NXPE4: variants seen among roughly 807,000 people sequenced by gnomAD.
NXPE4 encodes the protein NXPE family member 4.
NXPE4 carries 42 observed loss-of-function variants against 33.3 expected under a neutral mutation model. That is an observed-to-expected ratio of 1.26 (90% CI 0.98 to 1.63). The LOEUF is 1.63. Ranked by LOEUF, NXPE4 falls within the 40% of genes most tolerant of loss-of-function variation. The pLI, the probability that NXPE4 is intolerant of heterozygous loss-of-function variation, is 0.00. For synonymous variants in NXPE4, 253 were observed against 234.9 expected (o/e 1.08, Z -0.71); for missense variants, 709 against 647.6 (o/e 1.09, Z -1.03).
the NXPE4 span, among the ~76,000 whole-genome samples, chr11:114,612,167 A>G: frequency 2.0e-5 from 3 of 151,944 alleles, no homozygotes; most frequent in Non-Finnish European, 4.4e-5. Context: ...CCAGTGGATA[A>G]TAAGTGTTGC....
chr11:114,647,208 C>T, the NXPE4 span, among the ~76,000 whole-genome samples: 1 of 152,218 alleles, frequency 6.6e-6, no homozygotes, highest in East Asian at 1.9e-4. Context: ...TCACCTTCTA[C>T]ATTCGTAGAT....
At chr11:114,601,731 T>TA in the NXPE4 span, among the ~76,000 whole-genome samples, 3 of 72,004 alleles carry the variant, frequency 4.2e-5, no homozygotes, top group Non-Finnish European at 7.0e-5. Context: ...TAATTATATA[T>TA]TATATATAAT....
chr11:114,601,141 G>A, the NXPE4 span, among the ~76,000 whole-genome samples: 2 of 151,634 alleles, frequency 1.3e-5, no homozygotes, highest in African/African-American at 4.8e-5. Flanking sequence ...TTTTGGTTAT[G>A]TGGATGAATT....
At chr11:114,674,818 C>T in the NXPE4 span, among the ~76,000 whole-genome samples, 2 of 151,602 alleles carry the variant, frequency 1.3e-5, no homozygotes, top group South Asian at 4.2e-4. Flanking sequence ...CAGCATTGTC[C>T]CGATATCAAA....
At chr11:114,627,894 A>C in the NXPE4 span, among the ~76,000 whole-genome samples, 1 of 151,812 alleles carries the variant, frequency 6.6e-6, no homozygotes, top group Non-Finnish European at 1.5e-5. Context: ...AACAGACTTT[A>C]AACCAACAAA....
At chr11:114,673,410 C>G in the NXPE4 span, among the ~76,000 whole-genome samples, 1 of 151,078 alleles carries the variant, frequency 6.6e-6, no homozygotes, top group African/African-American at 2.4e-5. Flanking sequence ...AACTTTTCAC[C>G]TAAGGACACT....
At position 114,583,909 on chromosome 11, in the gene NXPE4, C is replaced by A. The variant is rs112475934; in HGVS notation, c.97-888G>T. ...TATGGGTTATTGGGGCTGGCAAAGG[C>A]AGATATTATGCTATTAACTATCTGC... On this transcript the variant is annotated intron_variant, in intron 2 of 5. Coordinates refer to ENST00000375478, the MANE Select transcript of NXPE4 (RefSeq NM_001077639.2). 296 of 394,060 alleles carry A rather than the reference C, an allele frequency of 7.5e-4. 1 individual carries two copies. Among genetic ancestry groups the A allele is most frequent in the African/African-American group, 5.6e-3 (270 of 48,236 alleles). 24.4% of individuals were successfully genotyped at this position (394,060 alleles called of 1,614,324 possible).
At chr11:114,580,873 A>G (rs1949129429) in intron 4 of NXPE4, among the ~76,000 whole-genome samples, 2 of 152,220 alleles carry the variant, frequency 1.3e-5, no homozygotes, top group African/African-American at 2.4e-5. Context: ...TGGGCCAAAG[A>G]TGAACCCCTC....
At chr11:114,609,334 T>C in the NXPE4 span, among the ~76,000 whole-genome samples, 1 of 151,634 alleles carries the variant, frequency 6.6e-6, no homozygotes, top group Non-Finnish European at 1.5e-5. Context: ...GGTTACCCTG[T>C]GTATAATAAG....
chr11:114,615,288 C>T, the NXPE4 span, among the ~76,000 whole-genome samples: 1 of 151,938 alleles, frequency 6.6e-6, no homozygotes, highest in South Asian at 2.1e-4. Context: ...CCACTGTTAC[C>T]TGGTGGATGA....
rs1949185634 is a variant in NXPE4, at chr11:114,582,804, A to G, written c.314T>C (p.Leu105Pro). Residue 105 changes from leucine (L) to proline (P), a missense_variant, in exon 3 of 6, where the codon CTC becomes CCC. Coordinates refer to ENST00000375478, the MANE Select transcript of NXPE4 (RefSeq NM_001077639.2). ...TSATHSTATILNPRDTYCRGD... is the reference protein window; with the variant it reads ...TSATHSTATIPNPRDTYCRGD... The stretch of plus-strand genomic sequence containing the variant: ...CCTGCAGTACGTATCTCGAGGGTTG[A>G]GGATGGTGGCTGTGCTATGTGTGGC... 1 of 1,613,918 alleles carries G rather than the reference A, an allele frequency of 6.2e-7. No homozygotes were observed. Among genetic ancestry groups the G allele is most frequent in the Non-Finnish European group, 8.5e-7 (1 of 1,179,994 alleles).
chr11:114,635,336 GTTGC>G, the NXPE4 span, among the ~76,000 whole-genome samples: 1 of 150,302 alleles, frequency 6.7e-6, no homozygotes, highest in Non-Finnish European at 1.5e-5. Flanking sequence ...CTTTGCTGAA[GTTGC>G]TTATCAGCTT....
At chr11:114,578,881 T>C (rs1348203311) in intron 5 of NXPE4, among the ~76,000 whole-genome samples, 1 of 152,206 alleles carries the variant, frequency 6.6e-6, no homozygotes, top group African/African-American at 2.4e-5. Context: ...ACAATTGCAA[T>C]GGCTGTTGTT....
intron 2 of NXPE4, chr11:114,583,440 A>T: frequency 1.5e-6 from 1 of 669,906 alleles, no homozygotes; most frequent in Non-Finnish European, 2.8e-6. Context: ...AATGCTGAGG[A>T]GATGACCAAG....
At chr11:114,579,992 CA>C in intron 5 of NXPE4, 139 bp downstream of exon 5, 1 of 699,418 alleles carries the variant, frequency 1.4e-6, no homozygotes, top group Non-Finnish European at 2.5e-6. Context: ...GGAAGGATAA[CA>C]ATGCCTTGTG....
At chr11:114,658,127 TAATCTGCA>T in the NXPE4 span, among the ~76,000 whole-genome samples, 1 of 152,122 alleles carries the variant, frequency 6.6e-6, no homozygotes. Context: ...AAAATCCGGA[TAATCTGCA>T]AAATAACTTT....
chr11:114,626,638 G>A, the NXPE4 span, among the ~76,000 whole-genome samples: 1 of 152,222 alleles, frequency 6.6e-6, no homozygotes, highest in Admixed American at 6.5e-5. Flanking sequence ...AAGGAACGCA[G>A]TTCCTCACCA....
At chr11:114,571,608 G>T in intron 5 of NXPE4, 135 bp from the exon 6 acceptor site, 1 of 858,762 alleles carries the variant, frequency 1.2e-6, no homozygotes. Context: ...GTTTAGATGA[G>T]GGGATGTTTT....
the NXPE4 span, among the ~76,000 whole-genome samples, chr11:114,623,405 C>T: frequency 6.6e-6 from 1 of 152,038 alleles, no homozygotes; most frequent in East Asian, 1.9e-4. Context: ...CAGTGGGTAC[C>T]ATTGTTACCC....
Sources: allele counts gnomAD v4.1 joint callset (sites outside exome capture counted in the v4.1 genomes callset), GRCh38; gene constraint gnomAD v4.1.1; transcripts MANE v1.5; gene names NCBI Gene and HGNC (gene_info 2026-07-23, HGNC 2026-07-21).